The following NTRK2 variants were observed in gnomAD, a reference collection of about 807,000 sequenced individuals.
The protein encoded by NTRK2 is neurotrophic receptor tyrosine kinase 2, also known as BDNF/NT-3 growth factors receptor.
A neutral mutation model predicts 94.5 loss-of-function variants in NTRK2; 13 were observed. That is an observed-to-expected ratio of 0.14 (90% CI 0.09 to 0.22). The LOEUF (loss-of-function observed/expected upper bound fraction) is 0.22, where lower values mean the gene tolerates loss of function less well. Among genes scored for constraint, NTRK2 ranks in the 10% least tolerant of loss-of-function variants. The pLI is 1.00. For missense variants in NTRK2, 639 were observed against 1,071.2 expected (o/e 0.60, Z 5.63); for synonymous variants, 372 against 407.4 (o/e 0.91, Z 1.05).
At chr9:84,693,110 A>C (rs377483794) in intron 2 of NTRK2, among the ~76,000 whole-genome samples, 25 of 152,182 alleles carry the variant, frequency 1.6e-4, no homozygotes, top group African/African-American at 5.8e-4. Flanking sequence ...TAAATGTGAA[A>C]ATTTTCAATC....
At position 84,674,661 on chromosome 9, in the gene NTRK2, AG is replaced by A. The variant is rs144650831; in HGVS notation, c.212+3703del. On this transcript the variant is annotated intron_variant, in intron 2 of 18. Coordinates refer to ENST00000277120, the MANE Select transcript of NTRK2 (RefSeq NM_006180.6). ...GCCACACTAGACTTGTTAATGAATA[AG>A]GCAGTCTAATTTACATCATTCATTA... Among the ~76,000 whole-genome samples the A allele has an allele frequency of 8.3e-4, 126 of 152,344 alleles. 1 individual carries two copies. The highest frequency in any genetic ancestry group is 2.7e-3 in the African/African-American group (111 of 41,576).
At chr9:84,762,930 G>T (rs370204384) in intron 12 of NTRK2, among the ~76,000 whole-genome samples, 25 of 152,130 alleles carry the variant, frequency 1.6e-4, no homozygotes, top group African/African-American at 5.3e-4. Flanking sequence ...GGCCTTGGTG[G>T]TAATTTCTGT....
intron 14 of NTRK2, among the ~76,000 whole-genome samples, chr9:84,905,353 G>A (rs1424275730): frequency 6.6e-6 from 1 of 151,766 alleles, no homozygotes; most frequent in African/African-American, 2.4e-5. Flanking sequence ...GGACACAGAA[G>A]CAGGGTTTTT....
chr9:84,688,705 A>C (rs1340571062), intron 2 of NTRK2, among the ~76,000 whole-genome samples: 1 of 152,202 alleles, frequency 6.6e-6, no homozygotes, highest in East Asian at 1.9e-4. Context: ...GTGGCTAAAT[A>C]CTATTATTTT....
intron 15 of NTRK2, among the ~76,000 whole-genome samples, chr9:84,944,208 C>T (rs2132832906): frequency 1.4e-5 from 2 of 144,150 alleles, no homozygotes; most frequent in African/African-American, 5.5e-5. Context: ...CTCTCTCTCT[C>T]TCTCTCTCAC....
At chr9:84,756,156 C>G (rs1310905955) in intron 12 of NTRK2, among the ~76,000 whole-genome samples, 1 of 152,110 alleles carries the variant, frequency 6.6e-6, no homozygotes, top group African/African-American at 2.4e-5. Context: ...AATATTATCC[C>G]TTTTCTTCTA....
intron 12 of NTRK2, among the ~76,000 whole-genome samples, chr9:84,789,916 A>C (rs1048178117): frequency 2.6e-5 from 4 of 152,186 alleles, no homozygotes; most frequent in African/African-American, 9.7e-5. Flanking sequence ...AGGGGATATG[A>C]CATTCTATTC....
chr9:84,894,266 T>A (rs1048318291), intron 14 of NTRK2, among the ~76,000 whole-genome samples: 3 of 149,692 alleles, frequency 2.0e-5, no homozygotes, highest in African/African-American at 7.4e-5. Flanking sequence ...GTGAGCTGGT[T>A]CTCTTTTGCA....
chr9:84,742,060 T>C, intron 10 of NTRK2, 133 bp downstream of exon 10: 1 of 775,478 alleles, frequency 1.3e-6, no homozygotes, highest in Non-Finnish European at 2.1e-6. Context: ...CAAAATAGTA[T>C]TTCAAAAAAT....
At chr9:84,744,104 A>G (rs1160062672) in intron 10 of NTRK2, among the ~76,000 whole-genome samples, 2 of 152,196 alleles carry the variant, frequency 1.3e-5, no homozygotes, top group African/African-American at 4.8e-5. Flanking sequence ...AAATACAAAC[A>G]TTATAAACCT....
chr9:84,680,771 T>C (rs1416523393), intron 2 of NTRK2, among the ~76,000 whole-genome samples: 1 of 152,278 alleles, frequency 6.6e-6, no homozygotes, highest in Non-Finnish European at 1.5e-5. Flanking sequence ...CTTATACCAG[T>C]CCCATTCCAC....
chr9:85,018,967 G>C (rs894222667), intron 17 of NTRK2, among the ~76,000 whole-genome samples: 7 of 152,070 alleles, frequency 4.6e-5, no homozygotes, highest in African/African-American at 1.7e-4. Context: ...GTCAAATTTG[G>C]ATGCATCATA....
chr9:84,710,837 C>A, intron 6 of NTRK2, 46 bp downstream of exon 6: 1 of 1,598,148 alleles, frequency 6.3e-7, no homozygotes, highest in South Asian at 1.1e-5. Context: ...ATTAATTATT[C>A]TCATTGCCTT....
At chr9:84,799,498 G>A (rs1015632999) in intron 12 of NTRK2, among the ~76,000 whole-genome samples, 1 of 152,110 alleles carries the variant, frequency 6.6e-6, no homozygotes, top group African/African-American at 2.4e-5. Context: ...TTATATTCTG[G>A]GAAGTGGAAA....
chr9:85,003,480 C>A (rs867779284), intron 17 of NTRK2, among the ~76,000 whole-genome samples: 1 of 151,996 alleles, frequency 6.6e-6, no homozygotes, highest in African/African-American at 2.4e-5. Flanking sequence ...GGAAAGAGAG[C>A]CAACGTGGCT....
intron 14 of NTRK2, chr9:84,873,212 G>A (rs978073423): frequency 1.9e-6 from 2 of 1,061,662 alleles, no homozygotes; most frequent in Non-Finnish European, 2.3e-6. Context: ...GCCTATTAAT[G>A]TTTTGTCTTT....
intron 12 of NTRK2, among the ~76,000 whole-genome samples, chr9:84,841,989 T>C (rs1204413878): frequency 6.6e-6 from 1 of 152,212 alleles, no homozygotes; most frequent in African/African-American, 2.4e-5. Flanking sequence ...TGTTTCCACA[T>C]GTGCAGATAT....
chr9:84,824,732 C>A (rs190371617), intron 12 of NTRK2, among the ~76,000 whole-genome samples: 3 of 152,174 alleles, frequency 2.0e-5, no homozygotes, highest in African/African-American at 7.2e-5. Flanking sequence ...CACACTTGTC[C>A]GCTGCTGGAA....
At chr9:84,724,603 CCT>C (rs371513283) in intron 8 of NTRK2, among the ~76,000 whole-genome samples, 218 of 152,148 alleles carry the variant, frequency 1.4e-3, no homozygotes, top group African/African-American at 5.3e-3. Context: ...TTTGTGCCTT[CCT>C]CTGTCTTTTT....
Sources: gnomAD v4.1 joint callset for allele counts (sites outside exome capture counted in the v4.1 genomes callset) on GRCh38, gnomAD v4.1.1 for gene constraint, MANE v1.5 for transcripts, NCBI Gene and HGNC (gene_info 2026-07-23, HGNC 2026-07-21) for gene names.